The following PRKAG2 variants were observed in gnomAD, a reference collection of about 807,000 sequenced individuals.
PRKAG2 encodes protein kinase AMP-activated non-catalytic subunit gamma 2, also known as 5'-AMP-activated protein kinase subunit gamma-2.
A neutral mutation model predicts 69.6 loss-of-function variants in PRKAG2; 26 were observed. The observed-to-expected ratio is 0.37, with a 90% confidence interval of 0.27 to 0.52. The LOEUF (loss-of-function observed/expected upper bound fraction) is 0.52, where lower values mean the gene tolerates loss of function less well. Ranked by LOEUF, PRKAG2 falls within the 20% of genes least tolerant of loss-of-function variation. PRKAG2 has a pLI of 0.90. For synonymous variants in PRKAG2, 293 were observed against 285.0 expected, an observed-to-expected ratio of 1.03 and a Z score of -0.28; for missense variants, 557 against 740.0, an observed-to-expected ratio of 0.75 and a Z score of 2.87.
intron 1 of PRKAG2, among the ~76,000 whole-genome samples, chr7:151,798,158 C>T (rs927720723): frequency 1.3e-5 from 2 of 152,082 alleles, no homozygotes; most frequent in African/African-American, 2.4e-5. Flanking sequence ...CGCCCGCCAC[C>T]ACGCCTGGCT....
intron 4 of PRKAG2, among the ~76,000 whole-genome samples, chr7:151,633,715 T>C (rs1285959136): frequency 6.6e-6 from 1 of 152,180 alleles, no homozygotes; most frequent in Admixed American, 6.5e-5. Flanking sequence ...ATAGTAGCTG[T>C]ATGCTGAAAA....
In PRKAG2 at chr7:151,756,654, T is replaced by C. The variant is rs977628647; in HGVS notation, c.466+24498A>G. Among the ~76,000 whole-genome samples the C allele has an allele frequency of 6.6e-6, 1 of 152,204 alleles. No individual in the cohort carries two copies. Among genetic ancestry groups the C allele is most frequent in the African/African-American group, 2.4e-5 (1 of 41,448 alleles). ...TCCCGTTCCTGCCAGACAGACCAAC[T>C]GCAGCTCCTGGTTCCAGCCCCGCCA... On this transcript the variant is annotated intron_variant, in intron 3 of 15. Transcript: ENST00000287878. This position sits in a 1 kb window ranked among gnomAD's most constrained non-coding sequence, Gnocchi z 4.9.
intron 1 of PRKAG2, among the ~76,000 whole-genome samples, chr7:151,841,199 G>A (rs536417686): frequency 6.6e-6 from 1 of 152,220 alleles, no homozygotes; most frequent in Non-Finnish European, 1.5e-5. Context: ...TGTTGCCATG[G>A]CTGGTCTCGG....
intron 3 of PRKAG2, among the ~76,000 whole-genome samples, chr7:151,676,347 C>T (rs1832948145): frequency 6.6e-6 from 1 of 151,940 alleles, no homozygotes; most frequent in Non-Finnish European, 1.5e-5. Flanking sequence ...TTCCCAGTAG[C>T]AAGACTTCAC....
rs73475407 is a variant in PRKAG2, at chr7:151,560,040, A to G, written c.1678+484T>C. 14,161 of 985,180 alleles carry G rather than the reference A, an allele frequency of 0.014. 1,480 individuals are homozygous for G. In the African/African-American group the frequency reaches 0.23, roughly 16 times the overall value. The allele number at this position is 985,180 out of a possible 1,614,324, so 61.0% of individuals were successfully genotyped here. On this transcript the variant is annotated intron_variant, in intron 15 of 15. Transcript: ENST00000287878. ...CAAAAAATGAGTTTAACCACACTCT[A>G]TCTGAAAGTGAATGTGATTTCTGTA...
At chr7:151,811,277 G>A (rs1370418665) in intron 1 of PRKAG2, among the ~76,000 whole-genome samples, 1 of 152,188 alleles carries the variant, frequency 6.6e-6, no homozygotes, top group African/African-American at 2.4e-5. Context: ...TCTATTATGT[G>A]CTGGCAGCTG....
At position 151,864,535 on chromosome 7, in the gene PRKAG2, G is replaced by T. The variant is rs564659159; in HGVS notation, c.114+11972C>A. ...TCCTTCCCCAGACCAGGTTGGTATC[G>T]CTGCCCAGCATTTCCCTCTGTCTTT... On this transcript the variant is annotated intron_variant, in intron 1 of 15. Transcript: ENST00000287878. 3.3e-5 allele frequency among the ~76,000 whole-genome samples: 5 copies of T among 152,326 alleles called. No individual in the cohort carries two copies. The East Asian group carries it at 7.7e-4, about 24-fold the overall frequency.
In PRKAG2 at chr7:151,576,458, GA is replaced by G; in HGVS notation, c.865-7del. On this transcript the variant is annotated splice_polypyrimidine_tract_variant and splice_region_variant and intron_variant, in intron 6 of 15. Coordinates refer to ENST00000287878, the MANE Select transcript of PRKAG2 (RefSeq NM_016203.4). Reference sequence around the variant, plus strand: ...GCAAAGAAGGCCTTTTTAACCTGAAGAAAAAGAGGAGAAACAAAACATACTT... The same window carrying G: ...GCAAAGAAGGCCTTTTTAACCTGAAGAAAAGAGGAGAAACAAAACATACTT... The G allele has an allele frequency of 6.3e-7, 1 of 1,577,030 alleles. No homozygotes were observed. Among genetic ancestry groups the G allele is most frequent in the Non-Finnish European group, 8.7e-7 (1 of 1,147,042 alleles).
rs750592417 is a variant in PRKAG2 at position 151,675,520 on chromosome 7, G to A, written c.584C>T (p.Ser195Phe). 2 of 1,614,196 alleles carry A rather than the reference G, an allele frequency of 1.2e-6. No homozygotes were observed. The highest frequency in any genetic ancestry group is 1.1e-5 in the South Asian group (1 of 91,084). Reference sequence around the variant, plus strand: ...CCTCTGCCCTGTGTCCGGGGGGGAAGACGAGGCATAGATGCGATTCTCTAA... The same window carrying A: ...CCTCTGCCCTGTGTCCGGGGGGGAAAACGAGGCATAGATGCGATTCTCTAA... ...ERLENRIYAS[S>F]SPPDTGQRFC... is the part of the protein sequence containing the mutation. The change falls in exon 4 of 16, where the codon TCT becomes TTT. Residue 195 changes from serine to phenylalanine, a missense_variant. Ser to Phe is a radical substitution (Grantham distance 155). Around this residue, in one of 2 missense-constraint regions of PRKAG2, gnomAD observed 352 missense variants for 356.7 expected, o/e 0.99. Coordinates refer to ENST00000287878, the MANE Select transcript of PRKAG2 (RefSeq NM_016203.4).
At chr7:151,769,941 C>A (rs1188413227) in intron 3 of PRKAG2, among the ~76,000 whole-genome samples, 1 of 152,126 alleles carries the variant, frequency 6.6e-6, no homozygotes, top group Non-Finnish European at 1.5e-5. Flanking sequence ...AATTCTAAGC[C>A]CCTAACCAAC....
intron 3 of PRKAG2, among the ~76,000 whole-genome samples, chr7:151,744,479 C>T (rs979001864): frequency 1.4e-4 from 21 of 152,216 alleles, no homozygotes; most frequent in African/African-American, 4.8e-4. Flanking sequence ...CGAGCTGCCT[C>T]CTACTCCAGG....
rs559618918 is a variant in PRKAG2 at position 151,723,322 on chromosome 7, G to A, written c.467-47685C>T. On this transcript the variant is annotated intron_variant, in intron 3 of 15. Transcript: ENST00000287878. ...CTCCCCCTCCACTCAAAGAGTTCTGGGTCTGGAAACTGGCTCAAGCCTAAG... is the reference window on the plus strand; with the variant it reads ...CTCCCCCTCCACTCAAAGAGTTCTGAGTCTGGAAACTGGCTCAAGCCTAAG... Among the ~76,000 whole-genome samples, 169 of 152,250 alleles carry A rather than the reference G, an allele frequency of 1.1e-3. 1 individual carries two copies. The highest frequency in any genetic ancestry group is 3.2e-4 in the Non-Finnish European group (22 of 68,022).
intron 4 of PRKAG2, among the ~76,000 whole-genome samples, chr7:151,641,692 G>A (rs1826727090): frequency 2.0e-5 from 3 of 151,296 alleles, no homozygotes; most frequent in Non-Finnish European, 2.9e-5. Flanking sequence ...GTGCCAGCAC[G>A]TGCCACCATA....
chr7:151,628,264 C>A (rs1823512619), intron 5 of PRKAG2, among the ~76,000 whole-genome samples: 1 of 152,166 alleles, frequency 6.6e-6, no homozygotes, highest in Non-Finnish European at 1.5e-5. Flanking sequence ...TTACCTACTT[C>A]AAAAAGCATT....
intron 3 of PRKAG2, among the ~76,000 whole-genome samples, chr7:151,713,633 G>A (rs918050989): frequency 4.8e-4 from 71 of 149,014 alleles, no homozygotes; most frequent in African/African-American, 1.4e-3. Flanking sequence ...TGCCCAGGCC[G>A]GAGTGCAGTG....
At chr7:151,635,964 T>C (rs1455083938) in intron 4 of PRKAG2, among the ~76,000 whole-genome samples, 1 of 150,604 alleles carries the variant, frequency 6.6e-6, no homozygotes, top group Non-Finnish European at 1.5e-5. Context: ...ACCTCCCGGG[T>C]TCACGCCATT....
At chr7:151,629,452 C>G (rs1823846940) in intron 5 of PRKAG2, among the ~76,000 whole-genome samples, 1 of 152,142 alleles carries the variant, frequency 6.6e-6, no homozygotes, top group Non-Finnish European at 1.5e-5. Context: ...GACAGAGGAA[C>G]GTGGTCAAGA....
chr7:151,683,240 T>TGGAGAGGAGGAGGA (rs1025044047), intron 3 of PRKAG2, among the ~76,000 whole-genome samples: 1 of 152,068 alleles, frequency 6.6e-6, no homozygotes, highest in Middle Eastern at 3.4e-3. Context: ...TGGCAGGCGC[T>TGGAGAGGAGGAGGA]GGAGAGGAGG....
At chr7:151,839,496 TC>T (rs1364132777) in intron 1 of PRKAG2, among the ~76,000 whole-genome samples, 3 of 152,230 alleles carry the variant, frequency 2.0e-5, no homozygotes, top group Admixed American at 2.0e-4. Flanking sequence ...CAGTGCCTGT[TC>T]GGAATGAGAA....
Sources: gnomAD v4.1 joint callset for allele counts (sites outside exome capture counted in the v4.1 genomes callset) on GRCh38, gnomAD v4.1.1 for gene constraint, gnomAD v4.1.1 regional missense constraint, Gnocchi (gnomAD v3.1) non-coding constraint, MANE v1.5 for transcripts, NCBI Gene and HGNC (gene_info 2026-07-23, HGNC 2026-07-21) for gene names.